The following SHOC1 variants were observed in gnomAD, a reference collection of about 807,000 sequenced individuals.
SHOC1 encodes the protein shortage in chiasmata 1.
SHOC1 carries 136 observed loss-of-function variants against 179.2 expected under a neutral mutation model. The observed-to-expected ratio is 0.76, with a 90% CI of 0.66 to 0.87. The LOEUF (loss-of-function observed/expected upper bound fraction) is 0.87, where lower values mean the gene tolerates loss of function less well. Among genes scored for constraint, SHOC1 ranks in the 40% least tolerant of loss-of-function variants. The pLI is 0.00. For missense variants in SHOC1, 1,538 were observed against 1,700.8 expected (o/e 0.90, Z 1.68); for synonymous variants, 489 against 586.6 (o/e 0.83, Z 2.41).
intron 8 of SHOC1, among the ~76,000 whole-genome samples, chr9:111,750,041 C>G (rs996560465): frequency 3.3e-5 from 5 of 152,012 alleles, no homozygotes; most frequent in African/African-American, 7.2e-5. Flanking sequence ...TATATATATA[C>G]CCAGTAATGG....
chr9:111,756,054 G>A (rs1045659091), intron 8 of SHOC1, among the ~76,000 whole-genome samples: 14 of 151,980 alleles, frequency 9.2e-5, no homozygotes, highest in East Asian at 5.8e-4. Context: ...CCTGGGAGGC[G>A]GAGGTTGTGG....
rs1228588265 is a variant in SHOC1 at position 111,689,736 on chromosome 9, T to G, written c.4426+1815A>C. On this transcript the variant is annotated intron_variant, in intron 27 of 27. Transcript: ENST00000682961. ...TTGGAAGAAATTAATATTTCTAAAC[T>G]GATATTATTTTATAGAGTATGTGAT... Among the ~76,000 whole-genome samples, 9 of 152,244 alleles carry G rather than the reference T, an allele frequency of 5.9e-5. No individual in the cohort carries two copies. In the East Asian group the frequency reaches 1.7e-3, roughly 29 times the overall value.
intron 10 of SHOC1, 147 bp from the exon 11 acceptor site, chr9:111,741,717 T>A: frequency 2.7e-6 from 1 of 375,802 alleles, no homozygotes; most frequent in Non-Finnish European, 4.7e-6. Context: ...CACTGCAACC[T>A]CCGCCCCAGA....
intron 1 of SHOC1, among the ~76,000 whole-genome samples, chr9:111,793,234 T>C (rs1836509599): frequency 6.6e-6 from 1 of 152,216 alleles, no homozygotes; most frequent in African/African-American, 2.4e-5. Context: ...TTTCTTGGTG[T>C]TGCACTTTCA....
chr9:111,719,774 G>A (rs770647779), intron 15 of SHOC1, among the ~76,000 whole-genome samples: 2 of 151,980 alleles, frequency 1.3e-5, no homozygotes, highest in Non-Finnish European at 2.9e-5. Context: ...GTGACCTCGC[G>A]GTTTTGGTGA....
intron 13 of SHOC1, among the ~76,000 whole-genome samples, chr9:111,726,533 G>T (rs528865111): frequency 1.3e-5 from 2 of 152,158 alleles, no homozygotes; most frequent in Non-Finnish European, 2.9e-5. Context: ...AAAGTTCTGG[G>T]ATTAGAGGTG....
At chr9:111,718,409 C>T (rs566649349) in intron 15 of SHOC1, 121 bp from the exon 16 acceptor site, 2 of 525,346 alleles carry the variant, frequency 3.8e-6, no homozygotes, top group East Asian at 7.0e-5. Context: ...ATATGCCAGG[C>T]TGTATATAAG....
intron 11 of SHOC1, among the ~76,000 whole-genome samples, chr9:111,739,325 A>C (rs926919336): frequency 2.0e-5 from 3 of 152,152 alleles, no homozygotes; most frequent in Non-Finnish European, 2.9e-5. Flanking sequence ...CATGCAATAA[A>C]CTACACATAT....
chr9:111,775,535 T>C (rs1274428288), intron 5 of SHOC1, among the ~76,000 whole-genome samples: 1 of 152,132 alleles, frequency 6.6e-6, no homozygotes, highest in Non-Finnish European at 1.5e-5. Flanking sequence ...ATTATAGCAG[T>C]ATGTTGAAGG....
rs76484907 is a variant in SHOC1 at position 111,790,946 on chromosome 9, A to G, written c.45+428T>C. Among the ~76,000 whole-genome samples the G allele has an allele frequency of 2.9e-3, 443 of 152,362 alleles. 3 individuals carry two copies. The highest frequency in any genetic ancestry group is 5.2e-3 in the Non-Finnish European group (353 of 68,032). On this transcript the variant is annotated intron_variant, in intron 2 of 27. Coordinates refer to ENST00000682961, the MANE Select transcript of SHOC1 (RefSeq NM_001378211.1). ...ATCTAAGGATTACTGCAAAATTATC[A>G]TATACAAGTTGAGCATCCTTAATCC...
chr9:111,760,020 G>A (rs539507772), intron 5 of SHOC1, among the ~76,000 whole-genome samples: 18 of 152,214 alleles, frequency 1.2e-4, no homozygotes, highest in Middle Eastern at 6.8e-3. Context: ...AGTTAAATAT[G>A]GTTTACTGGT....
chr9:111,789,308 T>C (rs1836371082), intron 2 of SHOC1, among the ~76,000 whole-genome samples: 1 of 152,160 alleles, frequency 6.6e-6, no homozygotes, highest in Non-Finnish European at 1.5e-5. Flanking sequence ...GTATTTAATC[T>C]AAAAAATGAA....
Position 111,727,936 on chromosome 9 carries a change from C to T in SHOC1, c.1531G>A (p.Asp511Asn). 1 of 1,613,366 alleles carries T rather than the reference C, an allele frequency of 6.2e-7. No individual in the cohort carries two copies. Among genetic ancestry groups the T allele is most frequent in the South Asian group, 1.1e-5 (1 of 90,970 alleles). The part of the protein sequence containing the change: ...KSPSLAKEVP[D>N]LCFSDDYFSD... ...AAATAGTCATCAGAAAAACATAGATCTGGTACTTCTTTTGCCAGAGATGGA... is the reference window on the plus strand; with the variant it reads ...AAATAGTCATCAGAAAAACATAGATTTGGTACTTCTTTTGCCAGAGATGGA... The change falls in exon 13 of 28, where the codon GAT (aspartate) becomes AAT (asparagine). Residue 511 changes from aspartate (D) to asparagine (N), a missense_variant. By Grantham distance (23) the Asp-to-Asn change is conservative. Coordinates refer to ENST00000682961, the MANE Select transcript of SHOC1 (RefSeq NM_001378211.1).
intron 23 of SHOC1, among the ~76,000 whole-genome samples, chr9:111,701,168 C>T (rs920573639): frequency 6.6e-6 from 1 of 152,178 alleles, no homozygotes; most frequent in Non-Finnish European, 1.5e-5. Context: ...CCCTGACACT[C>T]TTACTCAAAC....
chr9:111,764,903 G>A (rs1422078093), intron 5 of SHOC1, among the ~76,000 whole-genome samples: 2 of 152,080 alleles, frequency 1.3e-5, no homozygotes, highest in East Asian at 1.9e-4. Flanking sequence ...CACTTTGGGA[G>A]GCCAAGATGG....
At chr9:111,764,555 CA>C (rs1328764528) in intron 5 of SHOC1, among the ~76,000 whole-genome samples, 1 of 151,982 alleles carries the variant, frequency 6.6e-6, no homozygotes, top group Non-Finnish European at 1.5e-5. Flanking sequence ...CTGATCTAAC[CA>C]AAGTTATAAC....
intron 2 of SHOC1, among the ~76,000 whole-genome samples, chr9:111,789,109 G>A (rs919333270): frequency 1.3e-5 from 2 of 151,216 alleles, no homozygotes; most frequent in Non-Finnish European, 2.9e-5. Flanking sequence ...ATTATTCTAT[G>A]TATTTGGACA....
intron 22 of SHOC1, among the ~76,000 whole-genome samples, chr9:111,703,442 A>C (rs1832081625): frequency 6.6e-6 from 1 of 152,174 alleles, no homozygotes; most frequent in Admixed American, 6.5e-5. Context: ...ATTTTTGAAG[A>C]GAAATTCTCT....
intron 21 of SHOC1, 132 bp downstream of exon 21, chr9:111,705,115 C>T (rs1039110335): frequency 7.4e-6 from 3 of 405,562 alleles, no homozygotes; most frequent in African/African-American, 6.2e-5. Flanking sequence ...AGGCTTGAAT[C>T]ACAGACACAT....
Sources: gnomAD v4.1 joint callset for allele counts (sites outside exome capture counted in the v4.1 genomes callset) on GRCh38, gnomAD v4.1.1 for gene constraint, MANE v1.5 for transcripts, NCBI Gene and HGNC (gene_info 2026-07-23, HGNC 2026-07-21) for gene names.